The following ZRANB3 variants were observed in gnomAD, a reference collection of about 807,000 sequenced individuals.
ZRANB3 encodes zinc finger RANBP2-type containing 3.
ZRANB3 carries 125 observed loss-of-function variants against 133.8 expected under a neutral mutation model. The observed-to-expected ratio is 0.93, with a 90% CI of 0.81 to 1.08. ZRANB3 has a LOEUF of 1.08. ZRANB3 is among the 50% of genes least tolerant of loss of function. ZRANB3 has a pLI of 0.00. For synonymous variants in ZRANB3, 387 were observed against 432.7 expected (o/e 0.89, Z 1.31); for missense variants, 1,229 against 1,275.5 (o/e 0.96, Z 0.56).
rs567942234 is a variant in ZRANB3, at chr2:135,204,650, A to ATATAT, written c.3010-1688_3010-1687insATATA. 7.8e-5 allele frequency among the ~76,000 whole-genome samples: 11 copies of ATATAT among 141,752 alleles called. No individual in the cohort carries two copies. The South Asian group carries it at 2.2e-3, about 28-fold the overall frequency. The allele number at this position is 141,752 out of a possible 152,430, so 93.0% of individuals were successfully genotyped here. ...CCCAGACCCAATCTCAAAAAAAAAAAATATATATATATACATATATATATA... is the reference window on the plus strand; with the variant it reads ...CCCAGACCCAATCTCAAAAAAAAAAATATATATATATATATATACATATATATATA... On this transcript the variant is annotated intron_variant, in intron 19 of 20. Coordinates refer to ENST00000264159, the MANE Select transcript of ZRANB3 (RefSeq NM_032143.4).
chr2:135,433,097 A>C (rs1689388341), intron 2 of ZRANB3, among the ~76,000 whole-genome samples: 1 of 149,844 alleles, frequency 6.7e-6, no homozygotes, highest in Admixed American at 6.6e-5. Context: ...GGTCTAGGTA[A>C]ACTGAGGCAG....
In ZRANB3 at chr2:135,504,585, AG is replaced by A. The variant is rs766302051; in HGVS notation, c.-7-90del. 6.0e-6 allele frequency: 7 copies of A among 1,163,688 alleles called. No homozygotes were observed. In the South Asian group the frequency reaches 1.1e-4, roughly 18 times the overall value. The allele number at this position is 1,163,688 out of a possible 1,614,324, so 72.1% of individuals were successfully genotyped here. A position where few individuals can be genotyped will look rare whatever the true frequency, so the allele number is the denominator to read the frequency against. ...CAGAATCACATATAAATAATATTAAAGTACTTATAAATAGCTTTGACATACC... is the reference window on the plus strand; with the variant it reads ...CAGAATCACATATAAATAATATTAAATACTTATAAATAGCTTTGACATACC... On this transcript the variant is annotated intron_variant, in intron 1 of 20. Coordinates refer to ENST00000264159, the MANE Select transcript of ZRANB3 (RefSeq NM_032143.4).
intron 1 of ZRANB3, among the ~76,000 whole-genome samples, chr2:135,513,700 A>G (rs1368364371): frequency 1.3e-5 from 2 of 152,228 alleles, no homozygotes; most frequent in African/African-American, 2.4e-5. Flanking sequence ...GTCTTTGAAC[A>G]TGCCTATGTC....
intron 14 of ZRANB3, among the ~76,000 whole-genome samples, chr2:135,227,285 A>C (rs1427014199): frequency 2.0e-5 from 3 of 152,240 alleles, no homozygotes; most frequent in Non-Finnish European, 4.4e-5. Flanking sequence ...CCAAAAAGTA[A>C]ACAAACCCAA....
intron 2 of ZRANB3, among the ~76,000 whole-genome samples, chr2:135,478,182 T>C (rs1288247122): frequency 6.6e-6 from 1 of 152,062 alleles, no homozygotes; most frequent in Admixed American, 6.6e-5. Flanking sequence ...CACACGTCTA[T>C]AAATATACAT....
intron 3 of ZRANB3, among the ~76,000 whole-genome samples, chr2:135,372,914 C>A (rs1464000209): frequency 6.6e-6 from 1 of 151,428 alleles, no homozygotes; most frequent in Non-Finnish European, 1.5e-5. Context: ...GACCCTGTCT[C>A]TAAAAAAAAA....
chr2:135,290,216 G>A (rs1254502029), intron 8 of ZRANB3, among the ~76,000 whole-genome samples: 1 of 152,112 alleles, frequency 6.6e-6, no homozygotes, highest in African/African-American at 2.4e-5. Flanking sequence ...CCTATATTGT[G>A]TTGTGGTCTA....
intron 2 of ZRANB3, among the ~76,000 whole-genome samples, chr2:135,497,062 A>C (rs888115982): frequency 2.0e-5 from 3 of 152,190 alleles, no homozygotes; most frequent in Non-Finnish European, 4.4e-5. Context: ...AGCACACACA[A>C]AAAAAGATAA....
intron 3 of ZRANB3, among the ~76,000 whole-genome samples, chr2:135,356,348 A>G (rs1164018697): frequency 1.3e-5 from 2 of 152,192 alleles, no homozygotes; most frequent in African/African-American, 2.4e-5. Flanking sequence ...CAATGTAGCC[A>G]TTCTACAATG....
intron 2 of ZRANB3, among the ~76,000 whole-genome samples, chr2:135,470,618 C>T (rs1275708951): frequency 1.3e-5 from 2 of 149,162 alleles, no homozygotes; most frequent in Admixed American, 6.7e-5. Context: ...ATTCGGGAGG[C>T]GGAGGTTGAA....
chr2:135,337,397 C>T (rs1385367620), intron 6 of ZRANB3, among the ~76,000 whole-genome samples: 1 of 152,130 alleles, frequency 6.6e-6, no homozygotes, highest in Non-Finnish European at 1.5e-5. Context: ...AGTCAACTTC[C>T]CCAGAGTGCT....
rs1264484457 is a variant in ZRANB3 at position 135,207,444 on chromosome 2, G to A, written c.2999C>T (p.Pro1000Leu). ...ATGATTATAACTTACCTGTTCTAAT[G>A]GGAGCTTTGAAGTCCAGGTAGCATA... ...LLYATWTSKL[P>L]LEQLNEMIRN... The change falls in exon 19 of 21, where the codon CCA becomes CTA. Residue 1000 changes from proline to leucine, a missense_variant. Coordinates refer to ENST00000264159, the MANE Select transcript of ZRANB3 (RefSeq NM_032143.4). 1 of 1,609,438 alleles carries A rather than the reference G, an allele frequency of 6.2e-7. No homozygotes were observed. Among genetic ancestry groups the A allele is most frequent in the Non-Finnish European group, 8.5e-7 (1 of 1,177,546 alleles).
intron 8 of ZRANB3, among the ~76,000 whole-genome samples, chr2:135,302,370 G>A (rs895308960): frequency 6.6e-6 from 1 of 152,136 alleles, no homozygotes; most frequent in African/African-American, 2.4e-5. Flanking sequence ...GGGAACTGGG[G>A]AGGCAAGGAT....
chr2:135,308,463 G>A (rs566531088), intron 8 of ZRANB3, among the ~76,000 whole-genome samples: 4 of 152,118 alleles, frequency 2.6e-5, no homozygotes, highest in Non-Finnish European at 5.9e-5. Context: ...ATGCTCTCAG[G>A]ACTCCCAGCT....
chr2:135,292,793 A>G (rs1681826168), intron 8 of ZRANB3, among the ~76,000 whole-genome samples: 2 of 152,186 alleles, frequency 1.3e-5, no homozygotes, highest in Admixed American at 6.6e-5. Flanking sequence ...GAAGGGACCC[A>G]CTTCCAGCTT....
intron 2 of ZRANB3, among the ~76,000 whole-genome samples, chr2:135,491,136 G>C (rs1160424678): frequency 6.6e-6 from 1 of 151,914 alleles, no homozygotes; most frequent in Non-Finnish European, 1.5e-5. Context: ...TTCAACCAAA[G>C]GACACCGTAC....
chr2:135,210,906 G>A (rs1057345923), intron 17 of ZRANB3, among the ~76,000 whole-genome samples: 1 of 152,068 alleles, frequency 6.6e-6, no homozygotes, highest in African/African-American at 2.4e-5. Context: ...GTGTGTGTCT[G>A]TAATCTCAGC....
At chr2:135,416,664 C>T (rs1468298511) in intron 2 of ZRANB3, among the ~76,000 whole-genome samples, 1 of 150,690 alleles carries the variant, frequency 6.6e-6, no homozygotes, top group African/African-American at 2.4e-5. Context: ...AATCCTAAGC[C>T]AAAAGAACAA....
rs778615845 is a variant in ZRANB3 at position 135,219,192 on chromosome 2, A to G, written c.2251-14T>C. ...CTGTTTTCCATCCTGATGATAGATT[A>G]GGAAGACACTAATAATCCATTTTTG... On this transcript the variant is annotated splice_polypyrimidine_tract_variant and intron_variant, in intron 15 of 20. Coordinates refer to ENST00000264159, the MANE Select transcript of ZRANB3 (RefSeq NM_032143.4). 1 of 1,477,816 alleles carries G rather than the reference A, an allele frequency of 6.8e-7. No individual in the cohort carries two copies. Among genetic ancestry groups the G allele is most frequent in the South Asian group, 1.4e-5 (1 of 73,982 alleles). 91.5% of individuals were successfully genotyped at this position (1,477,816 alleles called of 1,614,324 possible).
Sources: allele counts gnomAD v4.1 joint callset (sites outside exome capture counted in the v4.1 genomes callset), GRCh38; gene constraint gnomAD v4.1.1; transcripts MANE v1.5; gene names NCBI Gene and HGNC (gene_info 2026-07-23, HGNC 2026-07-21).